The following IDE variants were observed in gnomAD, a reference collection of about 807,000 sequenced individuals.
IDE encodes insulin-degrading enzyme.
In IDE, 58 loss-of-function variants were observed where a neutral mutation model predicts 133.2. That is an observed-to-expected ratio of 0.44 (90% CI 0.35 to 0.54). IDE has a LOEUF of 0.54. Among genes scored for constraint, IDE ranks in the 20% least tolerant of loss-of-function variants. The pLI, the probability that IDE is intolerant of heterozygous loss-of-function variation, is 0.00. For synonymous variants in IDE, 396 were observed against 421.3 expected, an observed-to-expected ratio of 0.94 and a Z score of 0.73; for missense variants, 981 against 1,234.0, an observed-to-expected ratio of 0.79 and a Z score of 3.07.
chr10:92,490,523 T>C lies in IDE; in HGVS notation c.1503A>G (p.Lys501=). The C allele has an allele frequency of 1.9e-6, 3 of 1,611,458 alleles. No individual in the cohort carries two copies. Among genetic ancestry groups the C allele is most frequent in the Non-Finnish European group, 2.5e-6 (3 of 1,177,694 alleles). The stretch of plus-strand genomic sequence containing the variant: ...TGACTTCATCCGGTATAGCTTCTTG[T>C]TTGTACTGGGTTCCATACCACTCTT... ...RTEEWYGTQY[K]QEAIPDEVIK... The change falls in exon 12 of 25, where the codon AAA becomes AAG. Residue 501 remains lysine (K), a synonymous_variant. Transcript: ENST00000265986.
chr10:92,570,210 G>C (rs914690867), intron 1 of IDE, among the ~76,000 whole-genome samples: 5 of 152,114 alleles, frequency 3.3e-5, no homozygotes, highest in African/African-American at 4.8e-5. Context: ...AAAGTAATCA[G>C]TATGGTGATA....
intron 1 of IDE, among the ~76,000 whole-genome samples, chr10:92,541,983 C>T (rs1842329481): frequency 6.6e-6 from 1 of 152,142 alleles, no homozygotes; most frequent in African/African-American, 2.4e-5. Context: ...AAGTTATAAT[C>T]AAACTCAGTC....
chr10:92,474,744 A>C (rs1846156315), intron 17 of IDE, 97 bp downstream of exon 17: 1 of 1,089,512 alleles, frequency 9.2e-7, no homozygotes. Context: ...TAGAACTACA[A>C]GTTATTTAAA....
At chr10:92,569,722 CAATT>C (rs748179158) in intron 1 of IDE, among the ~76,000 whole-genome samples, 2 of 152,144 alleles carry the variant, frequency 1.3e-5, no homozygotes, top group Non-Finnish European at 2.9e-5. Flanking sequence ...GACCATTAAT[CAATT>C]AAGTTATGCA....
intron 11 of IDE, among the ~76,000 whole-genome samples, chr10:92,498,460 TA>T (rs972944379): frequency 7.9e-5 from 11 of 138,688 alleles, no homozygotes; most frequent in Non-Finnish European, 1.6e-4. Flanking sequence ...TTGTCTCTAC[TA>T]AAAAAAAATA....
At chr10:92,555,103 T>C (rs1024194732) in intron 1 of IDE, among the ~76,000 whole-genome samples, 17 of 152,188 alleles carry the variant, frequency 1.1e-4, no homozygotes, top group Non-Finnish European at 2.2e-4. Flanking sequence ...CTGAAAGCCT[T>C]TCCTCTATAA....
At chr10:92,519,480 C>T (rs980756857) in intron 4 of IDE, among the ~76,000 whole-genome samples, 1 of 152,230 alleles carries the variant, frequency 6.6e-6, no homozygotes, top group African/African-American at 2.4e-5. Context: ...CCTACTGTGA[C>T]CCTTCCACTC....
At chr10:92,570,190 A>G (rs768405030) in intron 1 of IDE, among the ~76,000 whole-genome samples, 1 of 152,224 alleles carries the variant, frequency 6.6e-6, no homozygotes, top group Non-Finnish European at 1.5e-5. Context: ...TGTGAGTCCC[A>G]CTTTTTAAAA....
Position 92,455,589 on chromosome 10 carries a change from G to A in IDE, c.2951C>T (p.Pro984Leu), listed in dbSNP as rs1844956410. 3 of 1,588,896 alleles carry A rather than the reference G, an allele frequency of 1.9e-6. No individual in the cohort carries two copies. In the South Asian group the frequency reaches 3.3e-5, roughly 18 times the overall value. The change falls in exon 24 of 25, where the codon CCA (proline) becomes CTA (leucine). Residue 984 changes from proline (P) to leucine (L), a missense_variant. Physicochemically the swap from Pro to Leu is moderately conservative, Grantham distance 98. This residue lies in a region of IDE where 660 missense variants were observed against 894.7 expected (regional missense o/e 0.74). Coordinates refer to ENST00000265986, the MANE Select transcript of IDE (RefSeq NM_004969.4). ...CQNDINLSQA[P>L]ALPQPEVIQN... Reference sequence around the variant, plus strand: ...TATATTTCTTACTTGTGGCAAGGCTGGTGCTTGTGACAAATTTATGTCATT... The same window carrying A: ...TATATTTCTTACTTGTGGCAAGGCTAGTGCTTGTGACAAATTTATGTCATT...
intron 15 of IDE, among the ~76,000 whole-genome samples, chr10:92,478,366 G>C (rs961973462): frequency 6.6e-6 from 1 of 152,084 alleles, no homozygotes; most frequent in Non-Finnish European, 1.5e-5. Context: ...CAATTATATA[G>C]AAAGAACAAT....
At position 92,454,403 on chromosome 10, in the gene IDE, A is replaced by T; in HGVS notation, c.*41T>A. The stretch of plus-strand genomic sequence containing the variant: ...GATTTTCTTAGGCTCTGGAAGACTC[A>T]GGAATGCATCCACTTGCACTTTCCC... On this transcript the variant is annotated 3_prime_UTR_variant, in exon 25 of 25. Coordinates refer to ENST00000265986, the MANE Select transcript of IDE (RefSeq NM_004969.4). The T allele has an allele frequency of 7.6e-7, 1 of 1,307,902 alleles. No homozygotes were observed. The highest frequency in any genetic ancestry group is 1.1e-6 in the Non-Finnish European group (1 of 900,310). 81.0% of individuals were successfully genotyped at this position (1,307,902 alleles called of 1,614,324 possible). A position where few individuals can be genotyped will look rare whatever the true frequency, so the allele number is the denominator to read the frequency against.
At chr10:92,563,164 T>C (rs889856790) in intron 1 of IDE, among the ~76,000 whole-genome samples, 1 of 151,900 alleles carries the variant, frequency 6.6e-6, no homozygotes, top group African/African-American at 2.4e-5. Context: ...GACAGGAGAA[T>C]TGCTTGAACC....
At chr10:92,564,702 A>C (rs1459236439) in intron 1 of IDE, among the ~76,000 whole-genome samples, 6 of 143,002 alleles carry the variant, frequency 4.2e-5, no homozygotes, top group Non-Finnish European at 9.2e-5. Flanking sequence ...AAAAAAAAAA[A>C]AAAAAAAACT....
At chr10:92,523,210 G>T (rs551234885) in intron 4 of IDE, among the ~76,000 whole-genome samples, 1 of 151,840 alleles carries the variant, frequency 6.6e-6, no homozygotes, top group Non-Finnish European at 1.5e-5. Flanking sequence ...GTGAAACCCT[G>T]TCTCTACTAA....
intron 1 of IDE, among the ~76,000 whole-genome samples, chr10:92,557,277 C>T (rs1589538844): frequency 1.3e-5 from 2 of 152,316 alleles, no homozygotes; most frequent in Admixed American, 6.5e-5. Flanking sequence ...CGGCTCACAC[C>T]TGTAATCCCA....
chr10:92,460,666 G>A (rs572517769), intron 22 of IDE, among the ~76,000 whole-genome samples: 2 of 152,320 alleles, frequency 1.3e-5, no homozygotes, highest in South Asian at 4.1e-4. Context: ...GCAGGCTGCA[G>A]GTTCAGCAAA....
chr10:92,461,953 C>T (rs1845416258), intron 21 of IDE, among the ~76,000 whole-genome samples: 1 of 152,102 alleles, frequency 6.6e-6, no homozygotes, highest in Admixed American at 6.5e-5. Flanking sequence ...GGATTACAGG[C>T]GTGAGCCACT....
Position 92,534,536 on chromosome 10 carries a change from A to G in IDE, c.491+42T>C, listed in dbSNP as rs757066654. 7.6e-6 allele frequency: 8 copies of G among 1,046,688 alleles called. No homozygotes were observed. In the African/African-American group the frequency reaches 1.3e-4, roughly 17 times the overall value. The allele number at this position is 1,046,688 out of a possible 1,614,324, so 64.8% of individuals were successfully genotyped here. The stretch of plus-strand genomic sequence containing the variant: ...TAATAATTATTATTATTAATGTGAT[A>G]AGTACACAAAGTTGGATAATTCATA... On this transcript the variant is annotated intron_variant, in intron 3 of 24. Transcript: ENST00000265986.
intron 22 of IDE, among the ~76,000 whole-genome samples, chr10:92,457,046 A>T (rs1213035903): frequency 6.6e-6 from 1 of 151,814 alleles, no homozygotes; most frequent in Non-Finnish European, 1.5e-5. Context: ...AGAAAACTGA[A>T]TCCAAGGAGA....
Sources: allele counts gnomAD v4.1 joint callset (sites outside exome capture counted in the v4.1 genomes callset), GRCh38; gene constraint gnomAD v4.1.1; regional missense constraint gnomAD v4.1.1; transcripts MANE v1.5; gene names NCBI Gene and HGNC (gene_info 2026-07-23, HGNC 2026-07-21).